RUSC2: variants seen among roughly 807,000 people sequenced by gnomAD.
The protein encoded by RUSC2 is AP-4 complex accessory subunit RUSC2.
A neutral mutation model predicts 122.2 loss-of-function variants in RUSC2; 34 were observed. The ratio of observed to expected loss-of-function variants is 0.28; its 90% confidence interval spans 0.21 to 0.37. The LOEUF is 0.37. Ranked by LOEUF, RUSC2 falls within the 10% of genes least tolerant of loss-of-function variation. The pLI, the probability that RUSC2 is intolerant of heterozygous loss-of-function variation, is 1.00. For missense variants in RUSC2, 1,747 were observed against 1,952.4 expected, an observed-to-expected ratio of 0.89 and a Z score of 1.98; for synonymous variants, 784 against 790.0, an observed-to-expected ratio of 0.99 and a Z score of 0.13.
intron 1 of RUSC2, among the ~76,000 whole-genome samples, chr9:35,498,463 C>T (rs544292444): frequency 1.3e-3 from 202 of 152,040 alleles, no homozygotes; most frequent in African/African-American, 4.5e-3. Flanking sequence ...TGCTTGACCC[C>T]GGGAGGCAGA....
In RUSC2 at chr9:35,561,110, A is replaced by T. The variant is rs1272158413; in HGVS notation, c.4349+13A>T. 1.2e-6 allele frequency: 2 copies of T among 1,613,846 alleles called. No homozygotes were observed. The highest frequency in any genetic ancestry group is 3.3e-5 in the Admixed American group (2 of 60,002). ...CCAGTCCTCCGTGGTAAGCCTGGGG[A>T]AACGGAAGGGCTGAGGGGGGCGGGG... On this transcript the variant is annotated intron_variant, in intron 11 of 11. Transcript: ENST00000361226.
At position 35,547,782 on chromosome 9, in the gene RUSC2, T is replaced by A; in HGVS notation, c.1261T>A (p.Ser421Thr). The A allele has an allele frequency of 3.1e-6, 5 of 1,614,118 alleles. No individual in the cohort carries two copies. The highest frequency in any genetic ancestry group is 4.2e-6 in the Non-Finnish European group (5 of 1,180,026). Residue 421 changes from serine (S) to threonine (T), a missense_variant, in exon 2 of 12, where the codon TCT becomes ACT. By Grantham distance (58) the Ser-to-Thr change is moderately conservative (BLOSUM62 1). Transcript: ENST00000361226. This position sits in a 1 kb window ranked among gnomAD's most constrained non-coding sequence, Gnocchi z 4.6. The part of the protein sequence containing the change: ...SPAGSSITSC[S>T]EEHTKISPPP... ...TGCTGGCTCTTCCATCACTAGCTGC[T>A]CTGAGGAACACACCAAGATAAGTCC...
At chr9:35,525,475 A>C (rs1483591500) in intron 1 of RUSC2, among the ~76,000 whole-genome samples, 1 of 151,876 alleles carries the variant, frequency 6.6e-6, no homozygotes, top group East Asian at 1.9e-4. Context: ...TACAAACTTT[A>C]ACCAACATCC....
intron 1 of RUSC2, among the ~76,000 whole-genome samples, chr9:35,513,398 A>G (rs1821045634): frequency 6.6e-6 from 1 of 151,910 alleles, no homozygotes; most frequent in African/African-American, 2.4e-5. Flanking sequence ...ACGTGCCACC[A>G]TGCCAAGCTA....
chr9:35,509,386 G>A (rs970013163), intron 1 of RUSC2, among the ~76,000 whole-genome samples: 5 of 152,142 alleles, frequency 3.3e-5, no homozygotes, highest in African/African-American at 1.2e-4. Flanking sequence ...GAGTTTACAT[G>A]GAAGACTTGC....
intron 1 of RUSC2, among the ~76,000 whole-genome samples, chr9:35,504,514 G>A (rs1820876573): frequency 6.8e-6 from 1 of 146,666 alleles, no homozygotes; most frequent in Non-Finnish European, 1.5e-5. Context: ...TGCCCAGGCT[G>A]GAGTGCAATG....
At chr9:35,498,857 C>G (rs921909457) in intron 1 of RUSC2, among the ~76,000 whole-genome samples, 1 of 144,570 alleles carries the variant, frequency 6.9e-6, no homozygotes, top group Admixed American at 6.9e-5. Flanking sequence ...AAAAAAAAAA[C>G]AAAAAAAGAA....
chr9:35,495,731 T>G (rs997769950), intron 1 of RUSC2, among the ~76,000 whole-genome samples: 1 of 152,146 alleles, frequency 6.6e-6, no homozygotes, highest in African/African-American at 2.4e-5. Flanking sequence ...TTGATAGGGA[T>G]TGTATTGAAT....
intron 1 of RUSC2, among the ~76,000 whole-genome samples, chr9:35,491,046 G>A (rs1300393026): frequency 6.6e-6 from 1 of 151,530 alleles, no homozygotes. Flanking sequence ...ATCTGAGTCA[G>A]GCAAGGATTA....
chr9:35,496,946 G>A (rs1262034614), intron 1 of RUSC2, among the ~76,000 whole-genome samples: 1 of 152,144 alleles, frequency 6.6e-6, no homozygotes, highest in Admixed American at 6.6e-5. Flanking sequence ...CTGATACTGA[G>A]CACACCTGGC....
rs146537680 is a variant in RUSC2 at position 35,530,364 on chromosome 9, G to A, written c.-92-16066G>A. ...CAGCTCCACCATCTAGAAATGTACC[G>A]TCATCAAGAGATAATAAAATGGCCA... On this transcript the variant is annotated intron_variant, in intron 1 of 11. Coordinates refer to ENST00000361226, the MANE Select transcript of RUSC2 (RefSeq NM_014806.5). 4.1e-3 allele frequency among the ~76,000 whole-genome samples: 618 copies of A among 152,186 alleles called. 14 individuals carry two copies. Among genetic ancestry groups the A allele is most frequent in the Admixed American group, 0.036 (550 of 15,288 alleles).
rs756769802 is a variant in RUSC2, at chr9:35,548,588, A to G, written c.2014+53A>G. On this transcript the variant is annotated intron_variant, in intron 2 of 11. Transcript: ENST00000361226. This position sits in a 1 kb window ranked among gnomAD's most constrained non-coding sequence, Gnocchi z 4.5. The stretch of plus-strand genomic sequence containing the variant: ...GTGGCTATTCACCAGCAGGATATGC[A>G]TGGCCACCTCCCTGACAGGTCCCTG... 7 of 1,523,212 alleles carry G rather than the reference A, an allele frequency of 4.6e-6. No homozygotes were observed. Among genetic ancestry groups the G allele is most frequent in the Non-Finnish European group, 6.1e-6 (7 of 1,140,900 alleles). The allele number at this position is 1,523,212 out of a possible 1,614,324, so 94.4% of individuals were successfully genotyped here.
chr9:35,493,488 C>T (rs7026665), intron 1 of RUSC2, among the ~76,000 whole-genome samples: 21 of 151,754 alleles, frequency 1.4e-4, no homozygotes, highest in Non-Finnish European at 3.1e-4. Flanking sequence ...TGTATCAGAA[C>T]TTCCCTCCTT....
intron 1 of RUSC2, among the ~76,000 whole-genome samples, chr9:35,529,390 T>C (rs2132528029): frequency 6.6e-6 from 1 of 151,598 alleles, no homozygotes; most frequent in Middle Eastern, 3.4e-3. Context: ...CATGTAGGAA[T>C]GAGGGCCTAG....
Position 35,559,246 on chromosome 9 carries a change from G to T in RUSC2, c.3362G>T (p.Trp1121Leu). The change falls in exon 9 of 12, where the codon TGG (tryptophan) becomes TTG (leucine). Residue 1121 changes from tryptophan to leucine, a missense_variant. Physicochemically the swap from Trp to Leu is moderately conservative, Grantham distance 61. Transcript: ENST00000361226. ...GLLNIRSLEF[W>L]FNHLYNHEDI... is the part of the protein sequence containing the mutation. Reference sequence around the variant, plus strand: ...TACAGCATCCGGTCCCTGGAGTTCTGGTTTAATCACCTCTATAACCACGAA... The same window carrying T: ...TACAGCATCCGGTCCCTGGAGTTCTTGTTTAATCACCTCTATAACCACGAA... 6.2e-7 allele frequency: 1 copy of T among 1,613,636 alleles called. No individual in the cohort carries two copies. The highest frequency in any genetic ancestry group is 2.2e-5 in the East Asian group (1 of 44,886).
chr9:35,498,360 G>A (rs1341555809), intron 1 of RUSC2, among the ~76,000 whole-genome samples: 2 of 151,836 alleles, frequency 1.3e-5, no homozygotes, highest in African/African-American at 2.4e-5. Flanking sequence ...CCAAAATGGC[G>A]AAACCCTGTC....
In RUSC2 at chr9:35,558,168, T is replaced by A; in HGVS notation, c.3061-29T>A. The A allele has an allele frequency of 1.2e-6, 2 of 1,601,406 alleles. No individual in the cohort carries two copies. ...AGGACCACAGTCAGGCCTGAGGGGG[T>A]TTCCTGCACTTCCCTACCACACCTA... On this transcript the variant is annotated intron_variant, in intron 6 of 11. Coordinates refer to ENST00000361226, the MANE Select transcript of RUSC2 (RefSeq NM_014806.5). The surrounding 1 kb of genome is among the most constrained non-coding windows in gnomAD (Gnocchi z 4.3).
At chr9:35,493,561 T>C (rs1038871579) in intron 1 of RUSC2, among the ~76,000 whole-genome samples, 2 of 152,170 alleles carry the variant, frequency 1.3e-5, no homozygotes. Context: ...TAGAGTGCAG[T>C]GGCACGATCT....
At chr9:35,550,518 T>C (rs1057340200) in intron 2 of RUSC2, among the ~76,000 whole-genome samples, 2 of 150,500 alleles carry the variant, frequency 1.3e-5, no homozygotes, top group Non-Finnish European at 3.0e-5. Context: ...CCCAGCGACA[T>C]GGAAGGCCGA....
Sources: allele counts gnomAD v4.1 joint callset (sites outside exome capture counted in the v4.1 genomes callset), GRCh38; gene constraint gnomAD v4.1.1; non-coding constraint Gnocchi (gnomAD v3.1); transcripts MANE v1.5; gene names NCBI Gene and HGNC (gene_info 2026-07-23, HGNC 2026-07-21).